The following RAB33A variants were observed in gnomAD, a reference collection of about 807,000 sequenced individuals.
RAB33A encodes RAB33A, member RAS oncogene family, also known as ras-related protein Rab-33A.
RAB33A carries 6 observed loss-of-function variants against 12.0 expected under a neutral mutation model. That is an observed-to-expected ratio of 0.50 (90% confidence interval 0.27 to 0.99). RAB33A has a LOEUF of 0.99. Ranked by LOEUF, RAB33A falls within the 50% of genes least tolerant of loss-of-function variation. The pLI, the probability that RAB33A is intolerant of heterozygous loss-of-function variation, is 0.11. For missense variants in RAB33A, 109 were observed against 192.0 expected, an observed-to-expected ratio of 0.57 and a Z score of 2.55; for synonymous variants, 70 against 82.4, an observed-to-expected ratio of 0.85 and a Z score of 0.81.
chrX:130,147,445 CTG>C, the RAB33A span: 8 of 1,207,574 alleles, frequency 6.6e-6, no homozygotes, highest in Admixed American at 1.5e-4. Flanking sequence ...AACCTATTCT[CTG>C]TGCTTAGCTG....
At chrX:130,162,260 C>G in the RAB33A span, among the ~76,000 whole-genome samples, 2 of 111,978 alleles carry the variant, frequency 1.8e-5, no homozygotes, top group East Asian at 2.8e-4. Flanking sequence ...CCAGATTGCT[C>G]AGTTTGGTTT....
chrX:130,176,736 C>T (rs1352774359), intron 1 of RAB33A, among the ~76,000 whole-genome samples: 2 of 112,141 alleles, frequency 1.8e-5, no homozygotes, highest in Non-Finnish European at 3.8e-5. Context: ...TCTCTGTCCT[C>T]CTTTGCCATT....
chrX:130,178,917 G>T (rs2031692532), intron 1 of RAB33A, among the ~76,000 whole-genome samples: 1 of 107,273 alleles, frequency 9.3e-6, no homozygotes, highest in Non-Finnish European at 1.9e-5. Flanking sequence ...CTCCCAAAGT[G>T]CTGGGATTAC....
chrX:130,151,243 C>T, the RAB33A span, among the ~76,000 whole-genome samples: 3 of 108,763 alleles, frequency 2.8e-5, no homozygotes, highest in African/African-American at 6.7e-5. Flanking sequence ...TGGGTTCAAG[C>T]GATTCTGCTG....
At chrX:130,165,703 C>G in the RAB33A span, 1 of 1,066,809 alleles carries the variant, frequency 9.4e-7, no homozygotes, top group Non-Finnish European at 1.3e-6. Context: ...TCCTCTCACG[C>G]ACGACCGACG....
chrX:130,171,951 C>T (rs1007062228), upstream of RAB33A: 2 of 901,588 alleles, frequency 2.2e-6, 1 homozygote, highest in African/African-American at 4.0e-5. Flanking sequence ...CACACACACA[C>T]GCGCGCACAC....
At chrX:130,173,185 G>A (rs920186490) in intron 1 of RAB33A, among the ~76,000 whole-genome samples, 3 of 112,109 alleles carry the variant, frequency 2.7e-5, no homozygotes, top group Non-Finnish European at 5.6e-5. Context: ...CTTTAATTCA[G>A]AAAAGGTAGA....
the RAB33A span, chrX:130,165,469 C>G: frequency 1.2e-6 from 1 of 828,079 alleles, no homozygotes; most frequent in East Asian, 3.4e-5. Context: ...CGCGGGGACG[C>G]GGGGGTAGAG....
chrX:130,132,671 G>A, the RAB33A span, among the ~76,000 whole-genome samples: 1 of 112,127 alleles, frequency 8.9e-6, no homozygotes, highest in South Asian at 3.6e-4. Context: ...CCAAAGTGCT[G>A]GGATTAGAGG....
chrX:130,163,535 G>A, the RAB33A span, among the ~76,000 whole-genome samples: 4 of 111,490 alleles, frequency 3.6e-5, no homozygotes, highest in Admixed American at 2.9e-4. Context: ...ATTTTTAAAG[G>A]CAGATGATGT....
At chrX:130,127,767 G>A in the RAB33A span, among the ~76,000 whole-genome samples, 1 of 100,329 alleles carries the variant, frequency 1.0e-5, no homozygotes, top group Non-Finnish European at 2.0e-5. Flanking sequence ...TTGGCTCACT[G>A]TAACCTCCGC....
the RAB33A span, among the ~76,000 whole-genome samples, chrX:130,141,869 G>C: frequency 8.9e-6 from 1 of 111,787 alleles, no homozygotes; most frequent in African/African-American, 3.3e-5. Context: ...TCCTATGCTT[G>C]CTTTCAATTT....
the RAB33A span, among the ~76,000 whole-genome samples, chrX:130,116,943 G>A: frequency 8.9e-6 from 1 of 112,320 alleles, no homozygotes; most frequent in Non-Finnish European, 1.9e-5. Context: ...GCCGGGTGCT[G>A]TGGCTCACGC....
At chrX:130,165,714 G>A in the RAB33A span, 1 of 998,693 alleles carries the variant, frequency 1.0e-6, no homozygotes, top group Non-Finnish European at 1.4e-6. Flanking sequence ...ACGACCGACG[G>A]GTCAAACACC....
the RAB33A span, among the ~76,000 whole-genome samples, chrX:130,111,556 G>C: frequency 4.4e-4 from 50 of 112,565 alleles, no homozygotes; most frequent in Non-Finnish European, 7.7e-4. Context: ...GGTGACTGGA[G>C]AGTTTCGGCG....
chrX:130,150,991 A>AAAAAAAAAAAAG, the RAB33A span, among the ~76,000 whole-genome samples: 4 of 104,454 alleles, frequency 3.8e-5, no homozygotes, highest in African/African-American at 1.4e-4. Flanking sequence ...AAAAAAAAAA[A>AAAAAAAAAAAAG]AAAAGAAAAG....
the RAB33A span, chrX:130,137,381 G>T: frequency 1.7e-6 from 2 of 1,153,629 alleles, no homozygotes; most frequent in African/African-American, 3.6e-5. Context: ...AATACAACAG[G>T]TATCAGAACT....
chrX:130,137,249 A>C, the RAB33A span: 162 of 1,207,945 alleles, frequency 1.3e-4, no homozygotes, highest in Non-Finnish European at 1.8e-4. Context: ...ATACAGGAAG[A>C]GAAGTAAAGG....
chrX:130,184,155 C>T (rs56357334), intron 1 of RAB33A, 130 bp from the exon 2 acceptor site: 1 of 592,582 alleles, frequency 1.7e-6, no homozygotes, highest in Non-Finnish European at 2.6e-6. Context: ...TCCCAAAGTG[C>T]TGGGATTATA....
Sources: gnomAD v4.1 joint callset for allele counts (sites outside exome capture counted in the v4.1 genomes callset) on GRCh38, gnomAD v4.1.1 for gene constraint, MANE v1.5 for transcripts, NCBI Gene and HGNC (gene_info 2026-07-23, HGNC 2026-07-21) for gene names.